SPATA13: variants seen among roughly 807,000 people sequenced by gnomAD.
SPATA13 encodes the protein spermatogenesis associated 13.
A neutral mutation model predicts 104.0 loss-of-function variants in SPATA13; 50 were observed. The ratio of observed to expected loss-of-function variants is 0.48; its 90% confidence interval spans 0.38 to 0.61. The LOEUF (loss-of-function observed/expected upper bound fraction) is 0.61, where lower values mean the gene tolerates loss of function less well. Among genes scored for constraint, SPATA13 ranks in the 20% least tolerant of loss-of-function variants. The probability of loss-of-function intolerance (pLI) is 0.00; values close to 1 mark genes in which losing one functional copy is unlikely to be tolerated. For missense variants in SPATA13, 1,524 were observed against 1,690.6 expected (o/e 0.90, Z 1.73); for synonymous variants, 606 against 667.5 (o/e 0.91, Z 1.42).
chr13:24,096,598 T>A (rs1880093925), intron 3 of SPATA13, among the ~76,000 whole-genome samples: 3 of 151,696 alleles, frequency 2.0e-5, no homozygotes, highest in African/African-American at 7.3e-5. Context: ...CTAAAAAAAA[T>A]AATAATAACA....
At chr13:24,243,024 A>T (rs1438870429) in intron 2 of SPATA13, among the ~76,000 whole-genome samples, 1 of 152,216 alleles carries the variant, frequency 6.6e-6, no homozygotes, top group African/African-American at 2.4e-5. Flanking sequence ...TTCATTTTTT[A>T]AGAATTGAAG....
At chr13:23,993,721 G>T (rs577989132) in intron 2 of SPATA13, among the ~76,000 whole-genome samples, 3 of 152,166 alleles carry the variant, frequency 2.0e-5, no homozygotes, top group Non-Finnish European at 4.4e-5. Flanking sequence ...GGGAGAGGAA[G>T]CATCCAGGCT....
chr13:24,119,988 C>G (rs1880982135), intron 3 of SPATA13, among the ~76,000 whole-genome samples: 1 of 152,192 alleles, frequency 6.6e-6, no homozygotes, highest in Non-Finnish European at 1.5e-5. Flanking sequence ...AGTTTCTCAG[C>G]CATCCCCAGC....
At chr13:24,220,859 A>C (rs1871541988) in intron 1 of SPATA13, among the ~76,000 whole-genome samples, 1 of 152,210 alleles carries the variant, frequency 6.6e-6, no homozygotes, top group South Asian at 2.1e-4. Flanking sequence ...AGAACCCATC[A>C]AGAACATGGG....
At chr13:23,998,544 T>C (rs978608126) in intron 2 of SPATA13, among the ~76,000 whole-genome samples, 1 of 152,242 alleles carries the variant, frequency 6.6e-6, no homozygotes, top group Admixed American at 6.5e-5. Context: ...TTCTTAACAG[T>C]GTCTTTTGAA....
chr13:24,173,236 C>T (rs913938348), intron 1 of SPATA13, among the ~76,000 whole-genome samples: 9 of 152,162 alleles, frequency 5.9e-5, no homozygotes, highest in East Asian at 1.9e-4. Flanking sequence ...TGTCACCAGG[C>T]GTGGCTAATT....
At chr13:24,112,499 A>G (rs943483356) in intron 3 of SPATA13, among the ~76,000 whole-genome samples, 1 of 152,204 alleles carries the variant, frequency 6.6e-6, no homozygotes, top group African/African-American at 2.4e-5. Flanking sequence ...ATGCTCAGCC[A>G]CGGAAGTAGC....
chr13:24,038,172 G>C (rs1006049616), intron 3 of SPATA13, among the ~76,000 whole-genome samples: 26 of 151,812 alleles, frequency 1.7e-4, no homozygotes, highest in Admixed American at 9.8e-4. Flanking sequence ...CTCGACCTCC[G>C]AAAGTGCTGG....
intron 3 of SPATA13, among the ~76,000 whole-genome samples, chr13:24,102,147 T>C (rs988918792): frequency 6.6e-6 from 1 of 152,226 alleles, no homozygotes; most frequent in Non-Finnish European, 1.5e-5. Flanking sequence ...CAGTTGTTAT[T>C]TTCTGTTTTT....
chr13:24,121,386 C>T (rs1459610227), intron 3 of SPATA13, among the ~76,000 whole-genome samples: 3 of 152,144 alleles, frequency 2.0e-5, no homozygotes, highest in Non-Finnish European at 2.9e-5. Context: ...CCCATTACAT[C>T]TTTTTATAAA....
At chr13:24,176,564 C>G (rs1028169160) in intron 1 of SPATA13, among the ~76,000 whole-genome samples, 1 of 151,954 alleles carries the variant, frequency 6.6e-6, no homozygotes, top group African/African-American at 2.4e-5. Context: ...TGGGACCAGG[C>G]AAGTCCAAGG....
At chr13:24,053,090 C>G (rs1220320424) in intron 3 of SPATA13, among the ~76,000 whole-genome samples, 1 of 151,830 alleles carries the variant, frequency 6.6e-6, no homozygotes, top group Non-Finnish European at 1.5e-5. Context: ...TGAGACCTAT[C>G]CGTACCTAGA....
rs111688035 is a variant in SPATA13, at chr13:24,154,135, A to G, written c.-111-68684A>G. On this transcript the variant is annotated intron_variant, in intron 3 of 14. Coordinates refer to the SPATA13 transcript ENST00000424834. ...CTGATACAAGCATTTTGAAAAAAAA[A>G]GCTTGGCCGTAGCTACAGAAGGTAA... Among the ~76,000 whole-genome samples, 210 of 152,050 alleles carry G rather than the reference A, an allele frequency of 1.4e-3. 1 individual carries two copies. The highest frequency in any genetic ancestry group is 4.9e-3 in the African/African-American group (205 of 41,484).
intron 2 of SPATA13, among the ~76,000 whole-genome samples, chr13:24,002,483 T>C (rs1468969897): frequency 6.6e-6 from 1 of 152,052 alleles, no homozygotes; most frequent in African/African-American, 2.4e-5. Flanking sequence ...GAGCTGGTGG[T>C]GGTTGTGTCT....
intron 3 of SPATA13, among the ~76,000 whole-genome samples, chr13:24,086,571 G>A (rs538904138): frequency 7.2e-5 from 11 of 152,290 alleles, no homozygotes; most frequent in East Asian, 3.9e-4. Context: ...GGGGACTGGC[G>A]AGAAGGTGGA....
intron 3 of SPATA13, among the ~76,000 whole-genome samples, chr13:24,111,104 C>A (rs1307977880): frequency 1.3e-5 from 2 of 151,826 alleles, no homozygotes; most frequent in African/African-American, 2.4e-5. Flanking sequence ...GAAATGGGGT[C>A]TTGCTATGTT....
At chr13:24,107,756 C>G in intron 3 of SPATA13, among the ~76,000 whole-genome samples, 1 of 152,190 alleles carries the variant, frequency 6.6e-6, no homozygotes, top group East Asian at 1.9e-4. Flanking sequence ...GCAGCCTCTT[C>G]TCCTCTTTCT....
chr13:24,275,962 C>A (rs995634897), intron 4 of SPATA13, among the ~76,000 whole-genome samples: 5 of 152,130 alleles, frequency 3.3e-5, no homozygotes, highest in Non-Finnish European at 7.3e-5. Flanking sequence ...ATGTTTTTTC[C>A]ACACCAATTT....
At chr13:24,202,276 A>G (rs1034655875) in intron 1 of SPATA13, among the ~76,000 whole-genome samples, 2 of 151,816 alleles carry the variant, frequency 1.3e-5, no homozygotes, top group Admixed American at 6.6e-5. Flanking sequence ...ATCCTGGGCT[A>G]TGGAAGAGCT....
Sources: allele counts gnomAD v4.1 joint callset (sites outside exome capture counted in the v4.1 genomes callset), GRCh38; gene constraint gnomAD v4.1.1; transcripts MANE v1.5; gene names NCBI Gene and HGNC (gene_info 2026-07-23, HGNC 2026-07-21).